Variants in JARID2 observed in about 807,000 individuals in gnomAD.
JARID2 encodes jumonji and AT-rich interaction domain containing 2, also known as protein Jumonji.
In JARID2, 21 loss-of-function variants were observed where a neutral mutation model predicts 125.6. That is an observed-to-expected ratio of 0.17 (90% CI 0.12 to 0.24). The LOEUF (loss-of-function observed/expected upper bound fraction) is 0.24. Ranked by LOEUF, JARID2 falls within the 10% of genes least tolerant of loss-of-function variation. The pLI, the probability that JARID2 is intolerant of heterozygous loss-of-function variation, is 1.00. For synonymous variants in JARID2, 736 were observed against 661.6 expected, an observed-to-expected ratio of 1.11 and a Z score of -1.73; for missense variants, 1,303 against 1,639.6, an observed-to-expected ratio of 0.79 and a Z score of 3.55.
intron 1 of JARID2, among the ~76,000 whole-genome samples, chr6:15,334,652 G>C (rs770404092): frequency 4.6e-5 from 7 of 152,256 alleles, no homozygotes; most frequent in Middle Eastern, 3.4e-3. Flanking sequence ...GTCAGGTACA[G>C]GCTGTTGTTA....
chr6:15,248,173 A>G, intron 1 of JARID2: 1 of 779,884 alleles, frequency 1.3e-6, no homozygotes, highest in Non-Finnish European at 1.5e-6. Flanking sequence ...GAGTTAATGC[A>G]CCGGGAGCAG....
rs183753969 is a variant in JARID2, at chr6:15,474,978, G to A, written c.670+6260G>A. 1.4e-3 allele frequency among the ~76,000 whole-genome samples: 211 copies of A among 152,286 alleles called. 1 individual carries two copies. The highest frequency in any genetic ancestry group is 6.8e-3 in the Middle Eastern group (2 of 294). On this transcript the variant is annotated intron_variant, in intron 5 of 17. Transcript: ENST00000341776. ...GTAATAATCCCGGTTGACACCAGTC[G>A]TTTACACAAGAATCCTCCAAGTGGT...
chr6:15,493,711 C>T (rs1033094095), intron 6 of JARID2, among the ~76,000 whole-genome samples: 1 of 151,442 alleles, frequency 6.6e-6, no homozygotes, highest in African/African-American at 2.4e-5. Context: ...TCAGCCCCAG[C>T]TGGAGTTTAC....
intron 5 of JARID2, among the ~76,000 whole-genome samples, chr6:15,481,826 C>T (rs925750465): frequency 1.3e-5 from 2 of 152,142 alleles, no homozygotes; most frequent in African/African-American, 4.8e-5. Flanking sequence ...CTTCCATTTC[C>T]AGATATCTCA....
Position 15,513,416 on chromosome 6 carries a change from G to A in JARID2, c.3444G>A (p.Leu1148=), listed in dbSNP as rs752077475. Residue 1148 remains leucine (L), a synonymous_variant, in exon 16 of 18, where the codon CTG becomes CTA. Transcript: ENST00000341776. ...RCQICQHLCY[L]SMVVQENENV... ...AGATCTGCCAGCACCTGTGCTACCT[G>A]TCCATGGTGAGCCCGCCTGGCCCTG... 13 of 1,601,840 alleles carry A rather than the reference G, an allele frequency of 8.1e-6. No homozygotes were observed. The highest frequency in any genetic ancestry group is 1.0e-5 in the Non-Finnish European group (12 of 1,171,968).
chr6:15,360,922 A>G (rs963250178), intron 1 of JARID2, among the ~76,000 whole-genome samples: 1 of 152,236 alleles, frequency 6.6e-6, no homozygotes, highest in Admixed American at 6.5e-5. Flanking sequence ...TTTTAAATCA[A>G]TACATAAAGG....
intron 1 of JARID2, among the ~76,000 whole-genome samples, chr6:15,346,786 A>G (rs1275803169): frequency 6.7e-6 from 1 of 148,934 alleles, no homozygotes; most frequent in Non-Finnish European, 1.5e-5. Flanking sequence ...CCCAGTCTGG[A>G]GCGCAGTGGT....
intron 7 of JARID2, among the ~76,000 whole-genome samples, chr6:15,500,248 C>T (rs752119183): frequency 2.0e-5 from 3 of 152,164 alleles, no homozygotes; most frequent in Non-Finnish European, 2.9e-5. Context: ...AGAAGCAGCC[C>T]GCTGTCTGGA....
chr6:15,247,798 C>G (rs1400336994), intron 1 of JARID2: 2 of 985,270 alleles, frequency 2.0e-6, no homozygotes, highest in African/African-American at 1.7e-5. Flanking sequence ...GTTAAATAAT[C>G]AAGCCCAACT....
At chr6:15,314,844 A>C (rs1340736040) in intron 1 of JARID2, 4 of 152,236 alleles carry the variant, frequency 2.6e-5, no homozygotes, top group Non-Finnish European at 1.5e-5. Flanking sequence ...TAAAACCAAA[A>C]AATACGCACA....
At chr6:15,285,601 A>G (rs564458919) in intron 1 of JARID2, among the ~76,000 whole-genome samples, 6 of 152,182 alleles carry the variant, frequency 3.9e-5, no homozygotes, top group Non-Finnish European at 8.8e-5. Context: ...AGTTAAACCC[A>G]GATAGAGGGT....
At chr6:15,340,765 C>T (rs1763041339) in intron 1 of JARID2, among the ~76,000 whole-genome samples, 1 of 152,108 alleles carries the variant, frequency 6.6e-6, no homozygotes, top group Non-Finnish European at 1.5e-5. Context: ...AGAAATGTGT[C>T]TCGTTCCTCT....
Position 15,246,453 on chromosome 6 carries a change from C to A in JARID2, c.-87C>A. 3 of 1,110,446 alleles carry A rather than the reference C, an allele frequency of 2.7e-6. No individual in the cohort carries two copies. Among genetic ancestry groups the A allele is most frequent in the Non-Finnish European group, 4.1e-6 (3 of 732,326 alleles). The allele number at this position is 1,110,446 out of a possible 1,614,324, so 68.8% of individuals were successfully genotyped here. On this transcript the variant is annotated 5_prime_UTR_variant, in exon 1 of 18. Transcript: ENST00000341776. ...CAACCACCACCAACAACAATAAAAA[C>A]CACCAGGATATTTTTTTGCAAATTT...
At chr6:15,263,591 A>ATTT (rs763727930) in intron 1 of JARID2, among the ~76,000 whole-genome samples, 63 of 131,606 alleles carry the variant, frequency 4.8e-4, no homozygotes, top group East Asian at 1.3e-3. Flanking sequence ...GAGTCAGACA[A>ATTT]TTTTTTTTTT....
intron 1 of JARID2, among the ~76,000 whole-genome samples, chr6:15,321,783 GTTTTTTTTTTTTTT>G (rs71687714): frequency 1.3e-4 from 9 of 68,500 alleles, no homozygotes; most frequent in South Asian, 7.3e-4. Context: ...AAGAATTCTT[GTTTTTTTTTTTTTT>G]TTTTTTTTTT....
intron 1 of JARID2, among the ~76,000 whole-genome samples, chr6:15,272,569 C>T (rs1760338857): frequency 6.6e-6 from 1 of 152,184 alleles, no homozygotes; most frequent in Admixed American, 6.5e-5. Flanking sequence ...AGCCATTTCC[C>T]CCAAATTGCA....
At chr6:15,390,669 T>G (rs1764965531) in intron 2 of JARID2, among the ~76,000 whole-genome samples, 1 of 152,142 alleles carries the variant, frequency 6.6e-6, no homozygotes, top group Non-Finnish European at 1.5e-5. Context: ...CCTTCTCATG[T>G]GTGCTCTGTA....
In JARID2 at chr6:15,520,086, G is replaced by A; in HGVS notation, c.3576G>A (p.Leu1192=). The A allele has an allele frequency of 6.2e-7, 1 of 1,612,864 alleles. No individual in the cohort carries two copies. The highest frequency in any genetic ancestry group is 1.1e-5 in the South Asian group (1 of 90,876). The change falls in exon 18 of 18, where the codon CTG becomes CTA. Residue 1192 remains leucine (L), a synonymous_variant. Transcript: ENST00000341776. The stretch of plus-strand genomic sequence containing the variant: ...CCAAACAGGAACAGATTATCAGTCT[G>A]GTCAATCAGATCTGCGGCAAAGTGT... ...YRYDEEQIIS[L]VNQICGKVSG...
chr6:15,498,232 G>A (rs534291576), intron 7 of JARID2, among the ~76,000 whole-genome samples: 81 of 152,294 alleles, frequency 5.3e-4, no homozygotes, highest in African/African-American at 1.9e-3. Context: ...CAAGGGATCT[G>A]TTGACCTTTT....
Sources: gnomAD v4.1 joint callset for allele counts (sites outside exome capture counted in the v4.1 genomes callset) on GRCh38, gnomAD v4.1.1 for gene constraint, MANE v1.5 for transcripts, NCBI Gene and HGNC (gene_info 2026-07-23, HGNC 2026-07-21) for gene names.